The following DTL variants were observed in gnomAD, a reference collection of about 807,000 sequenced individuals.
The protein encoded by DTL is denticleless E3 ubiquitin protein ligase adapter.
A neutral mutation model predicts 87.0 loss-of-function variants in DTL; 46 were observed. The observed-to-expected ratio is 0.53, with a 90% CI of 0.42 to 0.68. The LOEUF is 0.68. Ranked by LOEUF, DTL falls within the 30% of genes least tolerant of loss-of-function variation. DTL has a pLI of 0.00. For missense variants in DTL, 737 were observed against 869.4 expected (o/e 0.85, Z 1.91); for synonymous variants, 308 against 311.2 (o/e 0.99, Z 0.11).
chr1:212,048,534 T>C (rs1041593897), intron 5 of DTL, among the ~76,000 whole-genome samples: 1 of 152,212 alleles, frequency 6.6e-6, no homozygotes, highest in East Asian at 1.9e-4. Context: ...TTACTTAAAA[T>C]TGATTTTCCT....
At chr1:212,041,159 AG>A (rs1237513672) in intron 1 of DTL, among the ~76,000 whole-genome samples, 1 of 152,200 alleles carries the variant, frequency 6.6e-6, no homozygotes, top group Non-Finnish European at 1.5e-5. Flanking sequence ...AAAGTAGCTT[AG>A]GGTGGTTCAT....
rs12058185 is a variant in DTL at position 212,059,865 on chromosome 1, G to A, written c.461-3019G>A. The stretch of plus-strand genomic sequence containing the variant: ...ACAAAATCAACATACAAAAAAAATA[G>A]CATTTCTATACATCAATAATGAATT... On this transcript the variant is annotated intron_variant, in intron 5 of 14. Transcript: ENST00000366991. Among the ~76,000 whole-genome samples the A allele has an allele frequency of 8.2e-3, 1,144 of 140,060 alleles. 15 individuals are homozygous for A. Among genetic ancestry groups the A allele is most frequent in the African/African-American group, 0.029 (1,097 of 38,344 alleles). 91.9% of individuals were successfully genotyped at this position (140,060 alleles called of 152,430 possible). A position where few individuals can be genotyped will look rare whatever the true frequency, so the allele number is the denominator to read the frequency against.
rs1393420609 is a variant in DTL at position 212,080,672 on chromosome 1, G to A, written c.1183G>A (p.Glu395Lys). ...LKIWRLNRGL[E>K]EKPGGDKLST... ...AATCTGGCGCTTGAATAGAGGCTTA[G>A]AGGAGAAACCAGGAGGTGATAAACT... Residue 395 changes from glutamate (E) to lysine (K), a missense_variant, in exon 13 of 15, where the codon GAG (glutamate) becomes AAG (lysine). Transcript: ENST00000366991. 1 of 1,613,702 alleles carries A rather than the reference G, an allele frequency of 6.2e-7. No individual in the cohort carries two copies. Among genetic ancestry groups the A allele is most frequent in the Non-Finnish European group, 8.5e-7 (1 of 1,179,662 alleles).
chr1:212,091,984 T>C (rs561761598), intron 13 of DTL, among the ~76,000 whole-genome samples: 20 of 152,338 alleles, frequency 1.3e-4, no homozygotes, highest in African/African-American at 3.8e-4. Flanking sequence ...AAAATTTCAA[T>C]AGTTTTGGGG....
At chr1:212,083,599 G>A (rs2102570257) in intron 13 of DTL, among the ~76,000 whole-genome samples, 1 of 152,296 alleles carries the variant, frequency 6.6e-6, no homozygotes, top group East Asian at 1.9e-4. Context: ...AAGTGGCTTA[G>A]GAGAGTGAAA....
chr1:212,075,291 T>C (rs1654795884), intron 11 of DTL, among the ~76,000 whole-genome samples: 1 of 152,190 alleles, frequency 6.6e-6, no homozygotes, highest in Admixed American at 6.5e-5. Flanking sequence ...TCTAGGAGAT[T>C]TAACTTTGGG....
At chr1:212,056,681 C>T (rs904655859) in intron 5 of DTL, among the ~76,000 whole-genome samples, 1 of 151,918 alleles carries the variant, frequency 6.6e-6, no homozygotes, top group Non-Finnish European at 1.5e-5. Context: ...AAAAATGATC[C>T]AACATACTGA....
intron 13 of DTL, among the ~76,000 whole-genome samples, chr1:212,093,705 C>A (rs893298660): frequency 3.3e-5 from 5 of 152,178 alleles, no homozygotes; most frequent in African/African-American, 1.2e-4. Context: ...TCTTTCTCTG[C>A]CCATGTGTTC....
At chr1:212,050,084 T>C (rs1273675914) in intron 5 of DTL, among the ~76,000 whole-genome samples, 1 of 151,768 alleles carries the variant, frequency 6.6e-6, no homozygotes, top group Non-Finnish European at 1.5e-5. Flanking sequence ...GGTGGGAGGA[T>C]CGCTTGAGCC....
At chr1:212,046,259 A>AAT (rs2102529440) in intron 3 of DTL, among the ~76,000 whole-genome samples, 1 of 152,264 alleles carries the variant, frequency 6.6e-6, no homozygotes, top group South Asian at 2.1e-4. Flanking sequence ...AAGGGTGCTG[A>AAT]CTACTGATTT....
intron 5 of DTL, among the ~76,000 whole-genome samples, chr1:212,053,615 T>G (rs956729190): frequency 6.6e-5 from 10 of 152,184 alleles, no homozygotes. Context: ...TGAGACAGGG[T>G]CTCACTCTGT....
In DTL at chr1:212,104,983, T is replaced by G. The variant is rs1655732975; in HGVS notation, c.*2043T>G. On this transcript the variant is annotated 3_prime_UTR_variant, in exon 15 of 15. Transcript: ENST00000366991. ...ATAATCTATTTCAAGCTGAAAGAGCTTTTAATAAAAAACATCTTGCTTGGA... is the reference window on the plus strand; with the variant it reads ...ATAATCTATTTCAAGCTGAAAGAGCGTTTAATAAAAAACATCTTGCTTGGA... The G allele has an allele frequency of 6.6e-6, 1 of 152,244 alleles. No individual in the cohort carries two copies. Among genetic ancestry groups the G allele is most frequent in the Non-Finnish European group, 1.5e-5 (1 of 68,046 alleles). 9.4% of individuals were successfully genotyped at this position (152,244 alleles called of 1,614,324 possible).
At chr1:212,069,791 A>C (rs1007151672) in intron 10 of DTL, among the ~76,000 whole-genome samples, 1 of 151,092 alleles carries the variant, frequency 6.6e-6, no homozygotes, top group Non-Finnish European at 1.5e-5. Context: ...TGATCCACCC[A>C]CCTCAGCCTC....
At chr1:212,057,558 A>G (rs368624554) in intron 5 of DTL, among the ~76,000 whole-genome samples, 1 of 152,260 alleles carries the variant, frequency 6.6e-6, no homozygotes. Flanking sequence ...AAAACACAAG[A>G]AAATATAAAA....
intron 11 of DTL, among the ~76,000 whole-genome samples, chr1:212,077,329 T>G (rs1444890537): frequency 6.6e-6 from 1 of 152,166 alleles, no homozygotes; most frequent in African/African-American, 2.4e-5. Flanking sequence ...TGTACATAAC[T>G]GGTGGCATCT....
At chr1:212,047,098 G>A in intron 3 of DTL, 53 bp from the exon 4 acceptor site, 1 of 1,505,288 alleles carries the variant, frequency 6.6e-7, no homozygotes, top group African/African-American at 1.4e-5. Context: ...TATTAATATG[G>A]GTACCACAGA....
At chr1:212,057,352 T>C (rs1295913066) in intron 5 of DTL, among the ~76,000 whole-genome samples, 1 of 100,540 alleles carries the variant, frequency 9.9e-6, no homozygotes, top group East Asian at 2.2e-4. Context: ...ATATTCAACA[T>C]GCTTAAAGAA....
At chr1:212,047,775 A>G (rs1031109805) in intron 5 of DTL, among the ~76,000 whole-genome samples, 2 of 152,178 alleles carry the variant, frequency 1.3e-5, no homozygotes, top group African/African-American at 2.4e-5. Flanking sequence ...AGCTCAGGCA[A>G]TCCACCTGCC....
intron 1 of DTL, among the ~76,000 whole-genome samples, chr1:212,036,996 C>G (rs1667490140): frequency 6.6e-6 from 1 of 152,206 alleles, no homozygotes; most frequent in Non-Finnish European, 1.5e-5. Context: ...ATTTATTTCC[C>G]TCTTAGATAA....
Sources: gnomAD v4.1 joint callset for allele counts (sites outside exome capture counted in the v4.1 genomes callset) on GRCh38, gnomAD v4.1.1 for gene constraint, MANE v1.5 for transcripts, NCBI Gene and HGNC (gene_info 2026-07-23, HGNC 2026-07-21) for gene names.